Variants in PTPRR observed in about 807,000 individuals in gnomAD.
PTPRR encodes the protein protein tyrosine phosphatase receptor type R.
Under a neutral mutation model 77.2 loss-of-function variants are expected in PTPRR, and 38 were observed. The ratio of observed to expected loss-of-function variants is 0.49; its 90% CI spans 0.38 to 0.65. The LOEUF is 0.65. Ranked by LOEUF, PTPRR falls within the 30% of genes least tolerant of loss-of-function variation. The pLI is 0.00. For synonymous variants in PTPRR, 299 were observed against 283.1 expected, an observed-to-expected ratio of 1.06 and a Z score of -0.57; for missense variants, 744 against 799.2, an observed-to-expected ratio of 0.93 and a Z score of 0.83.
intron 6 of PTPRR, among the ~76,000 whole-genome samples, chr12:70,716,066 C>T (rs1889016214): frequency 6.6e-6 from 1 of 152,158 alleles, no homozygotes; most frequent in Non-Finnish European, 1.5e-5. Flanking sequence ...GAAATCTTCA[C>T]AATCCAGGTT....
chr12:70,685,609 C>T (rs1013009960), intron 8 of PTPRR, among the ~76,000 whole-genome samples: 4 of 151,910 alleles, frequency 2.6e-5, no homozygotes, highest in Non-Finnish European at 4.4e-5. Flanking sequence ...GAGATTGTGC[C>T]ACTGCACTCC....
intron 2 of PTPRR, among the ~76,000 whole-genome samples, chr12:70,815,737 G>A (rs1290171951): frequency 6.6e-6 from 1 of 152,134 alleles, no homozygotes; most frequent in Non-Finnish European, 1.5e-5. Flanking sequence ...GGAAAATGAT[G>A]TAAGGTCTCA....
intron 2 of PTPRR, among the ~76,000 whole-genome samples, chr12:70,800,281 T>G (rs1891591816): frequency 6.6e-6 from 1 of 151,714 alleles, no homozygotes; most frequent in Non-Finnish European, 1.5e-5. Context: ...TTTTTTTTTT[T>G]GTGCTGAGGT....
intron 2 of PTPRR, among the ~76,000 whole-genome samples, chr12:70,811,531 C>T (rs1423953084): frequency 6.6e-6 from 1 of 152,198 alleles, no homozygotes; most frequent in Non-Finnish European, 1.5e-5. Context: ...AGGCAGGCCT[C>T]CATGCAAAAC....
chr12:70,790,804 C>T (rs528721312), intron 2 of PTPRR, among the ~76,000 whole-genome samples: 19 of 152,086 alleles, frequency 1.2e-4, no homozygotes, highest in Admixed American at 3.3e-4. Flanking sequence ...ATAGCACCAC[C>T]GCATTCCAGC....
At chr12:70,731,908 C>T (rs1027406644) in intron 6 of PTPRR, among the ~76,000 whole-genome samples, 9 of 152,254 alleles carry the variant, frequency 5.9e-5, no homozygotes, top group African/African-American at 2.2e-4. Context: ...GGTCAGGGAA[C>T]AAGAGAGGTA....
chr12:70,763,796 G>A lies in PTPRR; in HGVS notation c.471+869C>T, dbSNP rs117934490. Among the ~76,000 whole-genome samples the A allele has an allele frequency of 8.2e-3, 1,248 of 152,236 alleles. 10 individuals carry two copies. The highest frequency in any genetic ancestry group is 0.014 in the Middle Eastern group (4 of 294). On this transcript the variant is annotated intron_variant, in intron 3 of 13. Transcript: ENST00000283228. ...CCAAAGTTCCTTTTCACATAAAACT[G>A]AGGTGACTAGCTTTTTACAGAAAGA... is the stretch of plus-strand genomic sequence containing the variant.
In PTPRR at chr12:70,812,776, C is replaced by T. The variant is rs377678971; in HGVS notation, c.358-47998G>A. ...AAAAATGCCCTCCTTATGGATAAAA[C>T]TAGAGCTAAATGTATTTTATTCTTG... On this transcript the variant is annotated intron_variant, in intron 2 of 13. Coordinates refer to ENST00000283228, the MANE Select transcript of PTPRR (RefSeq NM_002849.4). Among the ~76,000 whole-genome samples, 9 of 152,232 alleles carry T rather than the reference C, an allele frequency of 5.9e-5. No homozygotes were observed. In the South Asian group the frequency reaches 1.9e-3, roughly 32 times the overall value.
chr12:70,840,178 G>A (rs1592787026), intron 2 of PTPRR, among the ~76,000 whole-genome samples: 1 of 152,082 alleles, frequency 6.6e-6, no homozygotes, highest in Non-Finnish European at 1.5e-5. Flanking sequence ...ATTCCTTTCT[G>A]GAGGTTCTGG....
At chr12:70,730,437 G>A (rs1190886342) in intron 6 of PTPRR, among the ~76,000 whole-genome samples, 1 of 152,084 alleles carries the variant, frequency 6.6e-6, no homozygotes, top group East Asian at 1.9e-4. Flanking sequence ...CTTGGACCCT[G>A]GAGGAGGAGG....
chr12:70,795,040 G>A (rs1891487443), intron 2 of PTPRR, among the ~76,000 whole-genome samples: 1 of 152,112 alleles, frequency 6.6e-6, no homozygotes, highest in African/African-American at 2.4e-5. Flanking sequence ...AGAGGGTAGG[G>A]AGATTATAAT....
chr12:70,745,933 C>T lies in PTPRR; in HGVS notation c.892G>A (p.Val298Ile). Residue 298 changes from valine (V) to isoleucine (I), a missense_variant, in exon 6 of 14, where the codon GTA becomes ATA. Val to Ile is a conservative substitution (Grantham distance 29). Coordinates refer to ENST00000283228, the MANE Select transcript of PTPRR (RefSeq NM_002849.4). ...SMVQPEQAPK[V>I]LNVVVDPQGR... ...TGAGGGTCCACGACAACATTCAGTA[C>T]CTTTGGGGCCTGCTCAGGTTGGACC... The T allele has an allele frequency of 1.9e-6, 3 of 1,614,106 alleles. No homozygotes were observed. The highest frequency in any genetic ancestry group is 2.5e-6 in the Non-Finnish European group (3 of 1,180,018).
intron 1 of PTPRR, among the ~76,000 whole-genome samples, chr12:70,901,479 G>A (rs1893533418): frequency 6.6e-6 from 1 of 151,568 alleles, no homozygotes; most frequent in Non-Finnish European, 1.5e-5. Flanking sequence ...AATGATCTTC[G>A]ATAAAGCAAA....
At chr12:70,767,037 C>A (rs886606038) in intron 2 of PTPRR, among the ~76,000 whole-genome samples, 2 of 152,038 alleles carry the variant, frequency 1.3e-5, no homozygotes, top group East Asian at 3.9e-4. Context: ...AAAGGAACAA[C>A]CGGTACCAGC....
intron 2 of PTPRR, among the ~76,000 whole-genome samples, chr12:70,777,449 A>G (rs1891114631): frequency 6.6e-6 from 1 of 152,120 alleles, no homozygotes; most frequent in Non-Finnish European, 1.5e-5. Context: ...AAAATTTAGG[A>G]AGTATTTATT....
At chr12:70,768,673 T>A (rs1436342703) in intron 2 of PTPRR, among the ~76,000 whole-genome samples, 1 of 152,170 alleles carries the variant, frequency 6.6e-6, no homozygotes, top group Admixed American at 6.5e-5. Context: ...GCCAGCATCA[T>A]CCTGATACCA....
chr12:70,778,085 A>G (rs1891127959), intron 2 of PTPRR, among the ~76,000 whole-genome samples: 5 of 152,166 alleles, frequency 3.3e-5, no homozygotes, highest in Admixed American at 3.3e-4. Flanking sequence ...GCTTCTTTCA[A>G]GTGAGGCTCA....
intron 2 of PTPRR, among the ~76,000 whole-genome samples, chr12:70,867,136 G>C (rs1460395382): frequency 6.7e-6 from 1 of 150,346 alleles, no homozygotes; most frequent in Non-Finnish European, 1.5e-5. Flanking sequence ...GCACAAGACA[G>C]GGATGCCCTC....
intron 5 of PTPRR, among the ~76,000 whole-genome samples, chr12:70,753,279 T>G (rs1241559794): frequency 6.6e-6 from 1 of 152,030 alleles, no homozygotes; most frequent in African/African-American, 2.4e-5. Context: ...CAAAATCCAA[T>G]AAAACACTTA....
Sources: allele counts gnomAD v4.1 joint callset (sites outside exome capture counted in the v4.1 genomes callset), GRCh38; gene constraint gnomAD v4.1.1; transcripts MANE v1.5; gene names NCBI Gene and HGNC (gene_info 2026-07-23, HGNC 2026-07-21).